The following SULT6B1 variants were observed in gnomAD, a reference collection of about 807,000 sequenced individuals.
The protein encoded by SULT6B1 is sulfotransferase family 6B member 1.
In SULT6B1, 44 loss-of-function variants were observed where a neutral mutation model predicts 37.2. The observed-to-expected ratio is 1.18, with a 90% CI of 0.93 to 1.52. The LOEUF is 1.52. Among genes scored for constraint, SULT6B1 ranks in the 40% most tolerant of loss-of-function variants. The pLI, the probability that SULT6B1 is intolerant of heterozygous loss-of-function variation, is 0.00. For synonymous variants in SULT6B1, 140 were observed against 126.0 expected (o/e 1.11, Z -0.74); for missense variants, 450 against 361.0 (o/e 1.25, Z -2.00).
intron 5 of SULT6B1, 105 bp downstream of exon 5, chr2:37,175,027 A>T: frequency 1.7e-6 from 1 of 594,150 alleles, no homozygotes; most frequent in Non-Finnish European, 2.7e-6. Flanking sequence ...GAATATTTTT[A>T]AAAATTGAAC....
chr2:37,174,405 C>A lies in SULT6B1; in HGVS notation c.624+727G>T, dbSNP rs1676370015. Among the ~76,000 whole-genome samples, 3 of 151,264 alleles carry A rather than the reference C, an allele frequency of 2.0e-5. No individual in the cohort carries two copies. In the South Asian group the frequency reaches 6.3e-4, roughly 32 times the overall value. On this transcript the variant is annotated intron_variant, in intron 5 of 6. Coordinates refer to ENST00000535679, the MANE Select transcript of SULT6B1 (RefSeq NM_001367551.1). Reference sequence around the variant, plus strand: ...ACATGCCTAATTTTTAAAAATGTGCCCAGGGTGGTCTCGAACTCCTGGCCT... The same window carrying A: ...ACATGCCTAATTTTTAAAAATGTGCACAGGGTGGTCTCGAACTCCTGGCCT...
intron 4 of SULT6B1, among the ~76,000 whole-genome samples, chr2:37,177,211 A>T (rs1380008233): frequency 6.6e-6 from 1 of 152,060 alleles, no homozygotes; most frequent in East Asian, 1.9e-4. Context: ...TAAGCTAGAC[A>T]CAAAAAGAAA....
In SULT6B1 at chr2:37,188,446, C is replaced by T. The variant is rs765435787; in HGVS notation, c.195G>A (p.Lys65=). 6.2e-7 allele frequency: 1 copy of T among 1,612,684 alleles called. No individual in the cohort carries two copies. The highest frequency in any genetic ancestry group is 8.5e-7 in the Non-Finnish European group (1 of 1,179,460). The stretch of plus-strand genomic sequence containing the variant: ...AGGAAACGACTTGTCATTTACCGCA[C>T]TTTGGATAAGATGCTAGCACGATGT... The part of the protein sequence containing the change: ...HDDIVLASYP[K]CGSNWILHIV... Residue 65 remains lysine, a synonymous_variant, in exon 1 of 7, where the codon AAG becomes AAA. Transcript: ENST00000535679.
intron 1 of SULT6B1, among the ~76,000 whole-genome samples, chr2:37,187,925 G>A (rs537319748): frequency 6.6e-5 from 10 of 152,306 alleles, no homozygotes; most frequent in African/African-American, 2.4e-4. Flanking sequence ...ATCAAAAGGA[G>A]ATGGTAGAAA....
rs1169355964 is a variant in SULT6B1 at position 37,167,964 on chromosome 2, A to C, written c.883T>G (p.Leu295Val). ...CLAGTSLGAK[L>V]KYESYCQG ...CCCTGGCAATATGATTCATACTTCA[A>C]CTTTGCTCCGAGGGAGGTGCCTGCT... The change falls in exon 7 of 7, where the codon TTG becomes GTG. Residue 295 changes from leucine to valine, a missense_variant. Coordinates refer to ENST00000535679, the MANE Select transcript of SULT6B1 (RefSeq NM_001367551.1). The C allele has an allele frequency of 1.3e-6, 2 of 1,599,616 alleles. No homozygotes were observed. Among genetic ancestry groups the C allele is most frequent in the Non-Finnish European group, 1.7e-6 (2 of 1,176,802 alleles).
intron 3 of SULT6B1, among the ~76,000 whole-genome samples, chr2:37,183,061 C>T (rs989992004): frequency 1.3e-5 from 2 of 152,058 alleles, no homozygotes; most frequent in African/African-American, 4.8e-5. Context: ...TTTTAGGCCT[C>T]AGGTAAATAG....
upstream of SULT6B1, among the ~76,000 whole-genome samples, chr2:37,193,073 A>G (rs1572469736): frequency 6.6e-6 from 1 of 152,128 alleles, no homozygotes; most frequent in Non-Finnish European, 1.5e-5. Context: ...TCTTACCCAT[A>G]TTGGAGATAA....
intron 2 of SULT6B1, among the ~76,000 whole-genome samples, chr2:37,185,041 A>T (rs1316750410): frequency 6.6e-6 from 1 of 152,094 alleles, no homozygotes; most frequent in Non-Finnish European, 1.5e-5. Flanking sequence ...TAGATATCGT[A>T]ACCCCCATTT....
chr2:37,193,917 A>G (rs1169842787), intron 1 of SULT6B1, among the ~76,000 whole-genome samples: 1 of 152,186 alleles, frequency 6.6e-6, no homozygotes, highest in Non-Finnish European at 1.5e-5. Context: ...ACCCTTGGTA[A>G]AAGTTTCTAC....
In SULT6B1 at chr2:37,170,148, G is replaced by A. The variant is rs1440673089; in HGVS notation, c.781+1286C>T. On this transcript the variant is annotated intron_variant, in intron 6 of 6. Transcript: ENST00000535679. ...AAAGTCACATTTCCCAGCCACCACTGCAAGGAAAGTGGCCAATGAAATGTA... is the reference window on the plus strand; with the variant it reads ...AAAGTCACATTTCCCAGCCACCACTACAAGGAAAGTGGCCAATGAAATGTA... Among the ~76,000 whole-genome samples the A allele has an allele frequency of 2.6e-5, 4 of 152,178 alleles. No individual in the cohort carries two copies. In the East Asian group the frequency reaches 7.7e-4, roughly 29 times the overall value.
chr2:37,195,473 A>G (rs1676894235), intron 1 of SULT6B1, among the ~76,000 whole-genome samples: 1 of 152,192 alleles, frequency 6.6e-6, no homozygotes. Flanking sequence ...ATCACAGAGC[A>G]CCTTGCAGAG....
At chr2:37,191,927 T>A (rs1426899510), upstream of SULT6B1, among the ~76,000 whole-genome samples, 2 of 152,146 alleles carry the variant, frequency 1.3e-5, no homozygotes, top group Non-Finnish European at 2.9e-5. Context: ...TGTTTGGGTG[T>A]CACCATGTTC....
At chr2:37,176,402 G>A (rs1676429522) in intron 4 of SULT6B1, among the ~76,000 whole-genome samples, 1 of 150,864 alleles carries the variant, frequency 6.6e-6, no homozygotes, top group Non-Finnish European at 1.5e-5. Flanking sequence ...TGGGACTACA[G>A]GCACACACCA....
At chr2:37,186,312 G>A (rs1676672657) in intron 2 of SULT6B1, among the ~76,000 whole-genome samples, 1 of 152,202 alleles carries the variant, frequency 6.6e-6, no homozygotes, top group South Asian at 2.1e-4. Flanking sequence ...GCATTCTGGT[G>A]TGTCTAGGAG....
At chr2:37,179,717 T>C (rs1166152939) in intron 3 of SULT6B1, 133 bp from the exon 4 acceptor site, 4 of 772,490 alleles carry the variant, frequency 5.2e-6, no homozygotes, top group Non-Finnish European at 7.8e-6. Flanking sequence ...AGAATGACAG[T>C]AGGAAACTGA....
chr2:37,188,494 G>A lies in SULT6B1; in HGVS notation c.147C>T (p.Asp49=). ...TGTCATCATGTCTGGCTTCGAAGGTGTCCAGCGCTTGGAAAGTTTCTGAGG... is the reference window on the plus strand; with the variant it reads ...TGTCATCATGTCTGGCTTCGAAGGTATCCAGCGCTTGGAAAGTTTCTGAGG... The part of the protein sequence containing the change: ...MCTSETFQAL[D]TFEARHDDIV... Residue 49 remains aspartate (D), a synonymous_variant, in exon 1 of 7, where the codon GAC becomes GAT. Coordinates refer to ENST00000535679, the MANE Select transcript of SULT6B1 (RefSeq NM_001367551.1). 1 of 1,614,202 alleles carries A rather than the reference G, an allele frequency of 6.2e-7. No homozygotes were observed. Among genetic ancestry groups the A allele is most frequent in the Non-Finnish European group, 8.5e-7 (1 of 1,180,028 alleles).
At chr2:37,195,394 G>A (rs1676891667) in intron 1 of SULT6B1, among the ~76,000 whole-genome samples, 1 of 152,180 alleles carries the variant, frequency 6.6e-6, no homozygotes, top group African/African-American at 2.4e-5. Flanking sequence ...AATTTATGAT[G>A]CTTTAGTTAC....
intron 4 of SULT6B1, 120 bp downstream of exon 4, chr2:37,179,338 A>G (rs1422629009): frequency 7.8e-7 from 1 of 1,278,388 alleles, no homozygotes; most frequent in African/African-American, 1.5e-5. Context: ...CATTTAAATG[A>G]AACTTTTTGG....
chr2:37,168,729 C>T (rs1210974022), intron 6 of SULT6B1, among the ~76,000 whole-genome samples: 1 of 152,128 alleles, frequency 6.6e-6, no homozygotes, highest in Non-Finnish European at 1.5e-5. Flanking sequence ...TTCGTTAAGA[C>T]CTCAGATACT....
Sources: gnomAD v4.1 joint callset for allele counts (sites outside exome capture counted in the v4.1 genomes callset) on GRCh38, gnomAD v4.1.1 for gene constraint, MANE v1.5 for transcripts, NCBI Gene and HGNC (gene_info 2026-07-23, HGNC 2026-07-21) for gene names.